MBTPS1: variants seen among roughly 807,000 people sequenced by gnomAD.
The protein encoded by MBTPS1 is membrane-bound transcription factor site-1 protease.
In MBTPS1, 94 loss-of-function variants were observed where a neutral mutation model predicts 127.8. The observed-to-expected ratio is 0.74, with a 90% confidence interval of 0.62 to 0.87. The LOEUF is 0.87. MBTPS1 is among the 40% of genes least tolerant of loss of function. The pLI is 0.00. For synonymous variants in MBTPS1, 632 were observed against 509.4 expected, an observed-to-expected ratio of 1.24 and a Z score of -3.24; for missense variants, 1,636 against 1,353.2, an observed-to-expected ratio of 1.21 and a Z score of -3.28.
intron 12 of MBTPS1, among the ~76,000 whole-genome samples, chr16:84,073,580 G>T (rs1276628720): frequency 2.0e-5 from 3 of 152,102 alleles, no homozygotes. Flanking sequence ...TTAGTATGCT[G>T]AGGCTGGAAG....
Position 84,081,861 on chromosome 16 carries a change from G to A in MBTPS1, c.1334C>T (p.Ala445Val). Residue 445 changes from alanine to valine, a missense_variant, in exon 11 of 23, where the codon GCC becomes GTC. Physicochemically the swap from Ala to Val is moderately conservative, Grantham distance 64. Transcript: ENST00000343411. ...ELVNPASMKQ[A>V]LIASARRLPG... is the part of the protein sequence containing the mutation. ...GAGCCTCCGGGCTGACGCGATCAGG[G>A]CCTGCTTCATACTGGCGGGATTCAC... The A allele has an allele frequency of 6.6e-7, 1 of 1,511,252 alleles. No individual in the cohort carries two copies. The highest frequency in any genetic ancestry group is 8.9e-7 in the Non-Finnish European group (1 of 1,128,876). 93.6% of individuals were successfully genotyped at this position (1,511,252 alleles called of 1,614,324 possible).
At chr16:84,113,083 T>C (rs141770741) in intron 1 of MBTPS1, among the ~76,000 whole-genome samples, 52 of 152,200 alleles carry the variant, frequency 3.4e-4, no homozygotes, top group African/African-American at 1.0e-3. Context: ...TACTAGAGCT[T>C]AAAAGGGATC....
intron 18 of MBTPS1, among the ~76,000 whole-genome samples, chr16:84,065,435 C>T (rs888240720): frequency 3.3e-5 from 5 of 152,008 alleles, no homozygotes; most frequent in Non-Finnish European, 5.9e-5. Flanking sequence ...ACCAAAATGT[C>T]GAATGGGCAT....
At chr16:84,075,952 T>C (rs895217088) in intron 11 of MBTPS1, among the ~76,000 whole-genome samples, 7 of 152,240 alleles carry the variant, frequency 4.6e-5, no homozygotes, top group East Asian at 1.9e-4. Context: ...TCTGTTCTAC[T>C]TGAAATGTGT....
rs774932935 is a variant in MBTPS1, at chr16:84,070,173, T to A, written c.1783-135A>T. Reference sequence around the variant, plus strand: ...AGAATTTCCAATAACAAATGTCTGATGAAAGATTCATGTATCATAACTAAG... The same window carrying A: ...AGAATTTCCAATAACAAATGTCTGAAGAAAGATTCATGTATCATAACTAAG... On this transcript the variant is annotated intron_variant, in intron 13 of 22. Coordinates refer to ENST00000343411, the MANE Select transcript of MBTPS1 (RefSeq NM_003791.4). The A allele has an allele frequency of 8.1e-6, 6 of 745,264 alleles. 1 individual carries two copies. Among genetic ancestry groups the A allele is most frequent in the South Asian group, 7.9e-5 (4 of 50,934 alleles). The allele number at this position is 745,264 out of a possible 1,614,324, so 46.2% of individuals were successfully genotyped here. A position where few individuals can be genotyped will look rare whatever the true frequency, so the allele number is the denominator to read the frequency against.
intron 19 of MBTPS1, 156 bp from the exon 20 acceptor site, chr16:84,060,969 G>T: frequency 1.6e-6 from 1 of 631,598 alleles, no homozygotes; most frequent in Non-Finnish European, 2.6e-6. Context: ...AAGTAGCTGA[G>T]ACTGAAGGCA....
intron 13 of MBTPS1, 40 bp from the exon 14 acceptor site, chr16:84,070,078 G>A: frequency 4.0e-6 from 6 of 1,513,788 alleles, no homozygotes; most frequent in Non-Finnish European, 5.3e-6. Flanking sequence ...CCCTCATTGT[G>A]CAGAAAGAAA....
intron 3 of MBTPS1, among the ~76,000 whole-genome samples, chr16:84,096,479 G>A (rs1417316931): frequency 9.2e-5 from 14 of 152,166 alleles, no homozygotes; most frequent in Admixed American, 2.0e-4. Flanking sequence ...TTTACTATCT[G>A]TAAGTCTCTT....
intron 10 of MBTPS1, 93 bp downstream of exon 10, chr16:84,084,890 C>A: frequency 1.4e-6 from 2 of 1,402,012 alleles, no homozygotes; most frequent in Non-Finnish European, 2.0e-6. Flanking sequence ...AAACCCAAGA[C>A]AGGGCAGAAG....
chr16:84,097,354 C>A (rs1339016202), intron 3 of MBTPS1, among the ~76,000 whole-genome samples: 1 of 152,178 alleles, frequency 6.6e-6, no homozygotes, highest in South Asian at 2.1e-4. Context: ...GACAGCCCCA[C>A]GAGGTAGGGA....
chr16:84,083,116 C>T (rs753434769), intron 10 of MBTPS1, among the ~76,000 whole-genome samples: 2 of 152,344 alleles, frequency 1.3e-5, no homozygotes, highest in East Asian at 3.9e-4. Flanking sequence ...GCAGAGCCCT[C>T]ACTTCCTGCT....
At chr16:84,092,665 C>T (rs777224366) in intron 6 of MBTPS1, among the ~76,000 whole-genome samples, 1 of 151,942 alleles carries the variant, frequency 6.6e-6, no homozygotes, top group South Asian at 2.1e-4. Context: ...AAATAAATAA[C>T]GAAAAAAGAA....
At chr16:84,111,677 G>GGA (rs2086399552) in intron 1 of MBTPS1, among the ~76,000 whole-genome samples, 2 of 152,158 alleles carry the variant, frequency 1.3e-5, no homozygotes, top group Non-Finnish European at 2.9e-5. Flanking sequence ...GCCTCCAGAC[G>GGA]GAGACAACCC....
chr16:84,090,036 C>A (rs546666782), intron 8 of MBTPS1, among the ~76,000 whole-genome samples: 2 of 152,192 alleles, frequency 1.3e-5, no homozygotes, highest in Non-Finnish European at 2.9e-5. Context: ...ACAAGGTTCA[C>A]GATCATTTAC....
intron 4 of MBTPS1, among the ~76,000 whole-genome samples, 189 bp downstream of exon 4, chr16:84,095,413 G>C (rs182087393): frequency 1.1e-4 from 16 of 152,370 alleles, no homozygotes; most frequent in East Asian, 5.8e-4. Flanking sequence ...AGGAGTCAAA[G>C]ATGAGGAGTA....
intron 8 of MBTPS1, among the ~76,000 whole-genome samples, chr16:84,089,593 C>CTA (rs2086075459): frequency 6.6e-6 from 1 of 152,222 alleles, no homozygotes; most frequent in Non-Finnish European, 1.5e-5. Context: ...GGTGCTCTCC[C>CTA]CCTGCTGTCT....
At chr16:84,089,870 C>T (rs538172770) in intron 8 of MBTPS1, among the ~76,000 whole-genome samples, 86 of 152,280 alleles carry the variant, frequency 5.6e-4, no homozygotes, top group African/African-American at 2.0e-3. Context: ...ATGGGAGGAA[C>T]ATTTAAAAGG....
chr16:84,096,197 G>C (rs1050005460), intron 3 of MBTPS1, among the ~76,000 whole-genome samples: 1 of 152,090 alleles, frequency 6.6e-6, no homozygotes, highest in Non-Finnish European at 1.5e-5. Context: ...CATTCATTGA[G>C]TTTTATTTTT....
At chr16:84,056,691 G>A (rs1001353782) in intron 21 of MBTPS1, 1 of 152,546 alleles carries the variant, frequency 6.6e-6, no homozygotes, top group East Asian at 1.9e-4. Context: ...GAGAGAGTCT[G>A]AGCAGCAAAA....
Sources: allele counts gnomAD v4.1 joint callset (sites outside exome capture counted in the v4.1 genomes callset), GRCh38; gene constraint gnomAD v4.1.1; transcripts MANE v1.5; gene names NCBI Gene and HGNC (gene_info 2026-07-23, HGNC 2026-07-21).